CNTNAP5: variants seen among roughly 807,000 people sequenced by gnomAD.
The protein encoded by CNTNAP5 is contactin-associated protein-like 5.
CNTNAP5 carries 72 observed loss-of-function variants against 150.2 expected under a neutral mutation model. That is an observed-to-expected ratio of 0.48 (90% confidence interval 0.40 to 0.58). The LOEUF (loss-of-function observed/expected upper bound fraction) is 0.58, where lower values mean the gene tolerates loss of function less well. Among genes scored for constraint, CNTNAP5 ranks in the 20% least tolerant of loss-of-function variants. The probability of loss-of-function intolerance (pLI) is 0.00; values close to 1 mark genes in which losing one functional copy is unlikely to be tolerated. For synonymous variants in CNTNAP5, 672 were observed against 619.8 expected (o/e 1.08, Z -1.25); for missense variants, 1,636 against 1,626.2 (o/e 1.01, Z -0.10).
At chr2:124,298,335 A>C (rs1361456213) in intron 3 of CNTNAP5, among the ~76,000 whole-genome samples, 1 of 152,164 alleles carries the variant, frequency 6.6e-6, no homozygotes. Context: ...AATGAGATGA[A>C]GATGAGCTGG....
chr2:124,106,793 C>T (rs1054781742), intron 1 of CNTNAP5, among the ~76,000 whole-genome samples: 2 of 152,164 alleles, frequency 1.3e-5, no homozygotes, highest in African/African-American at 2.4e-5. Flanking sequence ...TAGTGACAAC[C>T]TGAGGCTTGG....
rs187888641 is a variant in CNTNAP5, at chr2:124,381,107, C to T, written c.382-36336C>T. Reference sequence around the variant, plus strand: ...GGAAAAAGAAGTGCAGGGAACTTGACGTGGGAACTAGCTGGGTGTGTTTAA... The same window carrying T: ...GGAAAAAGAAGTGCAGGGAACTTGATGTGGGAACTAGCTGGGTGTGTTTAA... On this transcript the variant is annotated intron_variant, in intron 3 of 23. Transcript: ENST00000682447. Among the ~76,000 whole-genome samples, 90 of 152,096 alleles carry T rather than the reference C, an allele frequency of 5.9e-4. No individual in the cohort carries two copies. In the South Asian group the frequency reaches 0.011, roughly 19 times the overall value.
intron 13 of CNTNAP5, among the ~76,000 whole-genome samples, chr2:124,713,219 G>A (rs35987690): frequency 0.11 from 8,781 of 78,192 alleles, 1,315 homozygotes; most frequent in African/African-American, 0.24. Context: ...TTCTTTCTCT[G>A]TTTCTTTCTT....
At chr2:124,590,665 T>A (rs1340412344) in intron 11 of CNTNAP5, among the ~76,000 whole-genome samples, 1 of 152,136 alleles carries the variant, frequency 6.6e-6, no homozygotes, top group Non-Finnish European at 1.5e-5. Flanking sequence ...TGCATGGAGA[T>A]CTGTAACTAA....
intron 10 of CNTNAP5, among the ~76,000 whole-genome samples, chr2:124,542,340 A>G (rs1300507339): frequency 6.6e-6 from 1 of 150,850 alleles, no homozygotes; most frequent in Admixed American, 6.7e-5. Context: ...AAAGAAGCTC[A>G]AGAGCAAGAG....
chr2:124,702,523 A>C (rs1267206115), intron 13 of CNTNAP5, among the ~76,000 whole-genome samples: 1 of 151,476 alleles, frequency 6.6e-6, no homozygotes, highest in Non-Finnish European at 1.5e-5. Context: ...AGTGAGTGAG[A>C]GGTTATCTTC....
At chr2:124,110,234 C>G (rs1218644692) in intron 1 of CNTNAP5, among the ~76,000 whole-genome samples, 1 of 152,204 alleles carries the variant, frequency 6.6e-6, no homozygotes, top group Non-Finnish European at 1.5e-5. Flanking sequence ...TATGTATGGA[C>G]TGCTCCTTTT....
chr2:124,147,174 A>G (rs1443143113), intron 1 of CNTNAP5, among the ~76,000 whole-genome samples: 2 of 152,194 alleles, frequency 1.3e-5, no homozygotes, highest in Non-Finnish European at 2.9e-5. Context: ...GGAGTGTAGC[A>G]TTTGAATAAA....
chr2:124,168,691 C>T (rs992920397), intron 1 of CNTNAP5, among the ~76,000 whole-genome samples: 2 of 152,104 alleles, frequency 1.3e-5, no homozygotes, highest in African/African-American at 4.8e-5. Context: ...TATTTTAAGA[C>T]ATTAACATAT....
At chr2:124,767,944 C>T (rs1432419591) in intron 16 of CNTNAP5, among the ~76,000 whole-genome samples, 1 of 152,204 alleles carries the variant, frequency 6.6e-6, no homozygotes, top group East Asian at 1.9e-4. Context: ...TACGAGCAAT[C>T]CTCCTGAGAG....
chr2:124,344,881 C>T (rs191086119), intron 3 of CNTNAP5, among the ~76,000 whole-genome samples: 135 of 152,300 alleles, frequency 8.9e-4, no homozygotes, highest in Admixed American at 3.1e-3. Flanking sequence ...TGTTGGGCTC[C>T]CAAGCCCTTG....
chr2:124,912,714 C>T (rs1415364070), intron 23 of CNTNAP5, among the ~76,000 whole-genome samples: 1 of 152,072 alleles, frequency 6.6e-6, no homozygotes, highest in Admixed American at 6.6e-5. Flanking sequence ...ACTTTTGTGA[C>T]TGCTGACTCC....
At chr2:124,445,341 G>A (rs191832470) in intron 5 of CNTNAP5, among the ~76,000 whole-genome samples, 220 of 151,898 alleles carry the variant, frequency 1.4e-3, no homozygotes, top group Admixed American at 5.6e-3. Context: ...CAGGTGATCC[G>A]CCTGCCTCGG....
At chr2:124,255,590 T>TAA (rs1170648487) in intron 3 of CNTNAP5, among the ~76,000 whole-genome samples, 2,125 of 66,178 alleles carry the variant, frequency 0.032, 85 homozygotes, top group African/African-American at 0.11. Context: ...AAAATAATAA[T>TAA]TTTTTTTTAA....
intron 3 of CNTNAP5, among the ~76,000 whole-genome samples, chr2:124,322,161 T>TAATAA (rs10524229): frequency 0.029 from 4,395 of 149,086 alleles, 105 homozygotes; most frequent in South Asian, 0.073. Context: ...AAAATAATAA[T>TAATAA]AATAAAATAA....
At chr2:124,213,477 A>G (rs763174974) in intron 1 of CNTNAP5, among the ~76,000 whole-genome samples, 2 of 152,226 alleles carry the variant, frequency 1.3e-5, no homozygotes, top group African/African-American at 2.4e-5. Context: ...CTTTCACTCA[A>G]CAAAGAAGTA....
intron 1 of CNTNAP5, among the ~76,000 whole-genome samples, chr2:124,207,483 G>T (rs1685891602): frequency 6.6e-6 from 1 of 152,170 alleles, no homozygotes; most frequent in South Asian, 2.1e-4. Flanking sequence ...AAATAGCAAT[G>T]AATGCACTGA....
At chr2:124,710,044 C>A (rs1443255688) in intron 13 of CNTNAP5, among the ~76,000 whole-genome samples, 1 of 151,978 alleles carries the variant, frequency 6.6e-6, no homozygotes, top group African/African-American at 2.4e-5. Context: ...TTACTTTTTG[C>A]CATCTGTAGT....
intron 19 of CNTNAP5, among the ~76,000 whole-genome samples, chr2:124,861,773 C>T (rs1677529142): frequency 6.6e-6 from 1 of 152,064 alleles, no homozygotes; most frequent in South Asian, 2.1e-4. Flanking sequence ...ATTCCAGAAG[C>T]AACTAAGGCT....
Sources: allele counts gnomAD v4.1 joint callset (sites outside exome capture counted in the v4.1 genomes callset), GRCh38; gene constraint gnomAD v4.1.1; transcripts MANE v1.5; gene names NCBI Gene and HGNC (gene_info 2026-07-23, HGNC 2026-07-21).